ROS1: variants seen among roughly 807,000 people sequenced by gnomAD.
ROS1 encodes the protein proto-oncogene tyrosine-protein kinase ROS.
A neutral mutation model predicts 273.5 loss-of-function variants in ROS1; 263 were observed. The ratio of observed to expected loss-of-function variants is 0.96; its 90% CI spans 0.87 to 1.06. The LOEUF is 1.06. Among genes scored for constraint, ROS1 ranks in the 50% least tolerant of loss-of-function variants. The probability of loss-of-function intolerance (pLI) is 0.00; values close to 1 mark genes in which losing one functional copy is unlikely to be tolerated. For synonymous variants in ROS1, 1,008 were observed against 954.1 expected (o/e 1.06, Z -1.04); for missense variants, 2,833 against 2,751.1 (o/e 1.03, Z -0.67).
rs866331955 is a variant in ROS1, at chr6:117,365,676, C to T, written c.2863G>A (p.Gly955Arg). Reference protein sequence around the residue: ...SVQESSFRIEGNASSFQILWN... With the variant: ...SVQESSFRIERNASSFQILWN... ...AGGATTTGAAAACTTGAAGCATTTCCTTCAATCCTAAATGAAGACTCTTGA... is the reference window on the plus strand; with the variant it reads ...AGGATTTGAAAACTTGAAGCATTTCTTTCAATCCTAAATGAAGACTCTTGA... The change falls in exon 20 of 44, where the codon GGA becomes AGA. Residue 955 changes from glycine to arginine, a missense_variant. Gly to Arg is a moderately radical substitution (Grantham distance 125, BLOSUM62 -2). Coordinates refer to ENST00000368507, the MANE Select transcript of ROS1 (RefSeq NM_001378902.1). 1 of 1,612,556 alleles carries T rather than the reference C, an allele frequency of 6.2e-7. No homozygotes were observed. The highest frequency in any genetic ancestry group is 8.5e-7 in the Non-Finnish European group (1 of 1,179,082).
rs776103430 is a variant in ROS1, at chr6:117,379,062, T to C, written c.2579A>G (p.Gln860Arg). ...GCCTTTGAGGGACTCTACTTACCTCTGTCCCCGAAGAACAGCTGTGTACAG... is the reference window on the plus strand; with the variant it reads ...GCCTTTGAGGGACTCTACTTACCTCCGTCCCCGAAGAACAGCTGTGTACAG... ...IHLYTAVLRG[Q>R]STGDTTITEF... The change falls in exon 18 of 44, where the codon CAG becomes CGG. Residue 860 changes from glutamine (Q) to arginine (R), a missense_variant. Physicochemically the swap from Gln to Arg is conservative, Grantham distance 43. Coordinates refer to ENST00000368507, the MANE Select transcript of ROS1 (RefSeq NM_001378902.1). 1.7e-5 allele frequency: 27 copies of C among 1,600,064 alleles called. No homozygotes were observed. In the Admixed American group the frequency reaches 2.0e-4, roughly 12 times the overall value.
intron 13 of ROS1, among the ~76,000 whole-genome samples, chr6:117,389,047 A>C (rs1414384995): frequency 3.9e-5 from 6 of 152,208 alleles, no homozygotes; most frequent in African/African-American, 1.4e-4. Context: ...ATCTCAACCC[A>C]AGTATTCTAT....
intron 32 of ROS1, among the ~76,000 whole-genome samples, chr6:117,334,085 T>C (rs1231375523): frequency 6.6e-6 from 1 of 152,150 alleles, no homozygotes; most frequent in Non-Finnish European, 1.5e-5. Context: ...TGATTTTGTA[T>C]TTAGAAAACC....
At chr6:117,329,740 A>ACGGGGAAGGGGAACCCCCTCC (rs1388184820) in intron 32 of ROS1, among the ~76,000 whole-genome samples, 59 of 152,188 alleles carry the variant, frequency 3.9e-4, no homozygotes, top group African/African-American at 1.2e-3. Context: ...TGAGAACCAC[A>ACGGGGAAGGGGAACCCCCTCC]CGGGGAAGGG....
Position 117,365,016 on chromosome 6 carries a change from G to C in ROS1, c.3103+44C>G, listed in dbSNP as rs377542445. ...ATCCATTCCAGATCATGAAAAGTGA[G>C]ATTCTGCTTTTTTAAGAAAAAAGAC... On this transcript the variant is annotated intron_variant, in intron 21 of 43. Transcript: ENST00000368507. The C allele has an allele frequency of 4.4e-5, 69 of 1,578,034 alleles. No homozygotes were observed. The African/African-American group carries it at 9.3e-4, about 21-fold the overall frequency.
chr6:117,373,506 C>G (rs1027873870), intron 18 of ROS1, among the ~76,000 whole-genome samples: 20 of 152,246 alleles, frequency 1.3e-4, no homozygotes, highest in African/African-American at 4.8e-4. Context: ...CCTGGTGCCC[C>G]TCTCCACAGC....
intron 21 of ROS1, among the ~76,000 whole-genome samples, chr6:117,364,116 T>A (rs1780018514): frequency 6.6e-6 from 1 of 152,154 alleles, no homozygotes; most frequent in African/African-American, 2.4e-5. Context: ...ACCAAGCTGA[T>A]ATCCCAAGGA....
Position 117,403,080 on chromosome 6 carries a change from C to A in ROS1, c.604+59G>T, listed in dbSNP as rs988134197. On this transcript the variant is annotated intron_variant, in intron 7 of 43. Coordinates refer to ENST00000368507, the MANE Select transcript of ROS1 (RefSeq NM_001378902.1). The stretch of plus-strand genomic sequence containing the variant: ...TTTATTTCATTGTTTAAAATAAAAA[C>A]AAACTAAATCAAAGCTTTGGAATAA... 23 of 1,577,058 alleles carry A rather than the reference C, an allele frequency of 1.5e-5. No homozygotes were observed. In the South Asian group the frequency reaches 2.5e-4, roughly 17 times the overall value.
In ROS1 at chr6:117,329,333, T is replaced by C. The variant is rs769355146; in HGVS notation, c.5344A>G (p.Ile1782Val). 1.4e-6 allele frequency: 2 copies of C among 1,410,532 alleles called. No individual in the cohort carries two copies. The highest frequency in any genetic ancestry group is 4.6e-5 in the East Asian group (2 of 43,784). The allele number at this position is 1,410,532 out of a possible 1,614,324, so 87.4% of individuals were successfully genotyped here. A position where few individuals can be genotyped will look rare whatever the true frequency, so the allele number is the denominator to read the frequency against. Reference sequence around the variant, plus strand: ...GTACTTTGCAAACACACATACCTTATCTCAAGGATATAGTATGTAATTCTA... The same window carrying C: ...GTACTTTGCAAACACACATACCTTACCTCAAGGATATAGTATGTAATTCTA... ...GCRITYYILE[I>V]RKSTSNNLQN... is the part of the protein sequence containing the mutation. Residue 1782 changes from isoleucine (I) to valine (V), a missense_variant, in exon 33 of 44, where the codon ATA (isoleucine) becomes GTA (valine). Transcript: ENST00000368507.
chr6:117,354,991 G>T (rs541115832), intron 26 of ROS1, among the ~76,000 whole-genome samples: 4 of 152,322 alleles, frequency 2.6e-5, no homozygotes, highest in African/African-American at 9.6e-5. Context: ...TGGGATTCTT[G>T]CTAAAGGCAG....
intron 43 of ROS1, among the ~76,000 whole-genome samples, chr6:117,292,250 A>G (rs192971590): frequency 2.0e-4 from 31 of 152,182 alleles, no homozygotes; most frequent in East Asian, 1.9e-3. Flanking sequence ...GATTACAGGT[A>G]TGAGCCACAG....
At chr6:117,389,304 C>T (rs1772850007) in intron 13 of ROS1, 46 bp downstream of exon 13, 1 of 1,548,172 alleles carries the variant, frequency 6.5e-7, no homozygotes, top group Non-Finnish European at 8.7e-7. Flanking sequence ...AAACCTTCCT[C>T]TTATTCCAGC....
chr6:117,346,071 A>G (rs1291115588), intron 27 of ROS1, among the ~76,000 whole-genome samples: 1 of 152,184 alleles, frequency 6.6e-6, no homozygotes, highest in African/African-American at 2.4e-5. Flanking sequence ...TTTATCCAAT[A>G]TATTCAGTTT....
rs2128537223 is a variant in ROS1, at chr6:117,301,119, C to G, written c.6570G>C (p.Gln2190His). The G allele has an allele frequency of 1.3e-6, 2 of 1,587,794 alleles. No individual in the cohort carries two copies. The highest frequency in any genetic ancestry group is 2.3e-5 in the East Asian group (1 of 43,988). Reference sequence around the variant, plus strand: ...TTTGGTCGGGTTCTTGAGCCCAGCACTGGGTCATTAAATTCCACCTAAATA... The same window carrying G: ...TTTGGTCGGGTTCTTGAGCCCAGCAGTGGGTCATTAAATTCCACCTAAATA... ...CPDDLWNLMT[Q>H]CWAQEPDQRP... The change falls in exon 43 of 44, where the codon CAG becomes CAC. Residue 2190 changes from glutamine to histidine, a missense_variant. Transcript: ENST00000368507.
intron 1 of ROS1, among the ~76,000 whole-genome samples, chr6:117,424,792 A>G (rs1050875701): frequency 6.6e-6 from 1 of 152,198 alleles, no homozygotes; most frequent in East Asian, 1.9e-4. Context: ...TACTTGCATT[A>G]TGTTTAAAAG....
At chr6:117,418,089 A>C (rs566987698) in intron 2 of ROS1, among the ~76,000 whole-genome samples, 60 of 152,232 alleles carry the variant, frequency 3.9e-4, no homozygotes, top group African/African-American at 1.4e-3. Flanking sequence ...GTCACTAAAC[A>C]CTTGTTAAAC....
rs752798332 is a variant in ROS1, at chr6:117,379,087, G to T, written c.2554C>A (p.Leu852Met). ...WLVQDSQCIH[L>M]YTAVLRGQST... The stretch of plus-strand genomic sequence containing the variant: ...TGTCCCCGAAGAACAGCTGTGTACA[G>T]GTGAATACATTGACTGTCTTGAACC... The change falls in exon 18 of 44, where the codon CTG becomes ATG. Residue 852 changes from leucine to methionine, a missense_variant. Coordinates refer to ENST00000368507, the MANE Select transcript of ROS1 (RefSeq NM_001378902.1). The T allele has an allele frequency of 6.2e-7, 1 of 1,612,866 alleles. No individual in the cohort carries two copies.
At chr6:117,365,826 T>C (rs1480667471) in intron 19 of ROS1, 85 bp from the exon 20 acceptor site, 34 of 1,083,362 alleles carry the variant, frequency 3.1e-5, no homozygotes, top group Middle Eastern at 4.7e-4. Flanking sequence ...TCAATAGCAA[T>C]TACTAATAAT....
intron 1 of ROS1, among the ~76,000 whole-genome samples, chr6:117,425,169 C>T (rs1054340804): frequency 2.6e-5 from 4 of 152,152 alleles, no homozygotes; most frequent in African/African-American, 9.7e-5. Context: ...AGGCATTATC[C>T]TGTGGCCAAA....
Sources: gnomAD v4.1 joint callset for allele counts (sites outside exome capture counted in the v4.1 genomes callset) on GRCh38, gnomAD v4.1.1 for gene constraint, MANE v1.5 for transcripts, NCBI Gene and HGNC (gene_info 2026-07-23, HGNC 2026-07-21) for gene names.